CFTR: variants seen among roughly 807,000 people sequenced by gnomAD.
The protein encoded by CFTR is CF transmembrane conductance regulator, also known as cystic fibrosis transmembrane conductance regulator.
A neutral mutation model predicts 171.6 loss-of-function variants in CFTR; 181 were observed. The observed-to-expected ratio is 1.05, with a 90% confidence interval of 0.93 to 1.19. The LOEUF (loss-of-function observed/expected upper bound fraction) is 1.19. Ranked by LOEUF, CFTR falls within the 50% of genes most tolerant of loss-of-function variation. CFTR has a pLI of 0.00. For missense variants in CFTR, 1,968 were observed against 1,734.7 expected (o/e 1.13, Z -2.39); for synonymous variants, 583 against 608.0 (o/e 0.96, Z 0.60).
At chr7:117,564,804 C>T (rs1791574651) in intron 11 of CFTR, 1 of 165,302 alleles carries the variant, frequency 6.0e-6, no homozygotes, top group African/African-American at 2.4e-5. Context: ...GTAAATTTGT[C>T]TGGATAGGAG....
At chr7:117,519,984 A>T (rs1002693259) in intron 3 of CFTR, among the ~76,000 whole-genome samples, 3 of 152,016 alleles carry the variant, frequency 2.0e-5, no homozygotes, top group Non-Finnish European at 2.9e-5. Flanking sequence ...TCCTGATACT[A>T]AACTATGAAA....
intron 2 of CFTR, among the ~76,000 whole-genome samples, chr7:117,505,395 C>T (rs1798397995): frequency 6.6e-6 from 1 of 152,260 alleles, no homozygotes; most frequent in African/African-American, 2.4e-5. Flanking sequence ...GAAGCCTGAA[C>T]TATGTGAAGA....
At chr7:117,535,096 A>G (rs1204473826) in intron 5 of CFTR, 152 bp from the exon 6 acceptor site, 1 of 828,988 alleles carries the variant, frequency 1.2e-6, no homozygotes, top group East Asian at 2.4e-5. Context: ...TATGTGCTCC[A>G]TGTAATGATT....
intron 11 of CFTR, among the ~76,000 whole-genome samples, chr7:117,579,242 C>A (rs1164332117): frequency 1.3e-5 from 2 of 151,792 alleles, no homozygotes; most frequent in African/African-American, 2.4e-5. Flanking sequence ...ATAGAAAGAT[C>A]ATAATTTTTA....
At chr7:117,641,788 T>C (rs1342873136) in intron 22 of CFTR, among the ~76,000 whole-genome samples, 1 of 152,218 alleles carries the variant, frequency 6.6e-6, no homozygotes, top group Non-Finnish European at 1.5e-5. Flanking sequence ...TTTCTTTTCC[T>C]TACTATACAT....
chr7:117,518,813 T>G (rs527938750), intron 3 of CFTR, among the ~76,000 whole-genome samples: 145 of 152,078 alleles, frequency 9.5e-4, no homozygotes, highest in Non-Finnish European at 1.7e-3. Flanking sequence ...GTATATATGC[T>G]ATAAGCAAAT....
At chr7:117,480,239 CA>C (rs968621023) in intron 1 of CFTR, 92 bp downstream of exon 1, 1 of 1,178,334 alleles carries the variant, frequency 8.5e-7, no homozygotes, top group Non-Finnish European at 1.3e-6. Context: ...AAGGAATAAG[CA>C]GTTTTTAAAA....
intron 9 of CFTR, among the ~76,000 whole-genome samples, chr7:117,547,846 A>C (rs1222769678): frequency 1.3e-5 from 2 of 152,176 alleles, no homozygotes; most frequent in African/African-American, 4.8e-5. Context: ...ATGAGAGGGA[A>C]GTAGGTCAGG....
chr7:117,566,037 T>G (rs562099925), intron 11 of CFTR, among the ~76,000 whole-genome samples: 7 of 152,230 alleles, frequency 4.6e-5, no homozygotes, highest in Admixed American at 3.9e-4. Context: ...AATCCACCAC[T>G]GTAGGAGAAT....
chr7:117,624,402 C>T (rs2116120907), intron 21 of CFTR, among the ~76,000 whole-genome samples: 1 of 152,252 alleles, frequency 6.6e-6, no homozygotes, highest in Non-Finnish European at 1.5e-5. Flanking sequence ...TCAGTTTCTT[C>T]CATGCCCCTG....
chr7:117,516,051 T>C (rs1040222239), intron 3 of CFTR, among the ~76,000 whole-genome samples: 13 of 152,212 alleles, frequency 8.5e-5, no homozygotes, highest in African/African-American at 3.1e-4. Flanking sequence ...GATAATGGTT[T>C]TGCAACTTAG....
In CFTR at chr7:117,606,737, T is replaced by A; in HGVS notation, c.2972T>A (p.Ile991Lys). The change falls in exon 18 of 27, where the codon ATA becomes AAA. Residue 991 changes from isoleucine (I) to lysine (K), a missense_variant. Physicochemically the swap from Ile to Lys is moderately radical, Grantham distance 102. Transcript: ENST00000003084. ...TTGGATGACCTTCTGCCTCTTACCA[T>A]ATTTGACTTCATCCAGGTATGTAAA... ...AILDDLLPLT[I>K]FDFIQLLLIV... 1 of 1,577,144 alleles carries A rather than the reference T, an allele frequency of 6.3e-7. No homozygotes were observed. The highest frequency in any genetic ancestry group is 1.3e-5 in the African/African-American group (1 of 74,264).
intron 1 of CFTR, among the ~76,000 whole-genome samples, chr7:117,484,993 G>A (rs1798049115): frequency 6.6e-6 from 1 of 152,084 alleles, no homozygotes; most frequent in Non-Finnish European, 1.5e-5. Context: ...ATCCCTCAGA[G>A]CTAACTGTTA....
At chr7:117,641,589 T>G (rs1444776633) in intron 22 of CFTR, among the ~76,000 whole-genome samples, 4 of 152,156 alleles carry the variant, frequency 2.6e-5, no homozygotes, top group Non-Finnish European at 5.9e-5. Flanking sequence ...AGTGGTCAGT[T>G]AATGACTGCA....
intron 11 of CFTR, among the ~76,000 whole-genome samples, chr7:117,574,621 C>T (rs555886625): frequency 8.5e-5 from 13 of 152,204 alleles, no homozygotes; most frequent in African/African-American, 2.9e-4. Context: ...ATTTTCTTAA[C>T]TGCCTTGATA....
chr7:117,660,337 A>T (rs1230285378), intron 24 of CFTR, among the ~76,000 whole-genome samples: 1 of 152,062 alleles, frequency 6.6e-6, no homozygotes, highest in Non-Finnish European at 1.5e-5. Flanking sequence ...AGTATTAACA[A>T]GATTATATTG....
rs552769034 is a variant in CFTR at position 117,664,650 on chromosome 7, T to C, written c.3964-38T>C. On this transcript the variant is annotated intron_variant, in intron 24 of 26. Coordinates refer to ENST00000003084, the MANE Select transcript of CFTR (RefSeq NM_000492.4). ...AGAATGTCAACTGCTTGAGTGTTTT[T>C]AACTCTGTGGTATCTGAACTATCTT... The C allele has an allele frequency of 3.8e-6, 6 of 1,593,580 alleles. No individual in the cohort carries two copies. The East Asian group carries it at 1.1e-4, about 30-fold the overall frequency.
intron 23 of CFTR, among the ~76,000 whole-genome samples, chr7:117,642,915 G>A (rs1473687220): frequency 1.3e-5 from 2 of 152,052 alleles, no homozygotes; most frequent in Non-Finnish European, 1.5e-5. Context: ...GTTAGCAATC[G>A]CCAGGTTGAG....
At chr7:117,565,731 T>G (rs907322610) in intron 11 of CFTR, among the ~76,000 whole-genome samples, 3 of 152,162 alleles carry the variant, frequency 2.0e-5, no homozygotes, top group Admixed American at 1.3e-4. Flanking sequence ...AAAATCTGGA[T>G]GTAGTTTCTA....
Sources: gnomAD v4.1 joint callset for allele counts (sites outside exome capture counted in the v4.1 genomes callset) on GRCh38, gnomAD v4.1.1 for gene constraint, MANE v1.5 for transcripts, NCBI Gene and HGNC (gene_info 2026-07-23, HGNC 2026-07-21) for gene names.